The following INPP5A variants were observed in gnomAD, a reference collection of about 807,000 sequenced individuals.
The protein encoded by INPP5A is 43 kDa inositol polyphosphate 5-phophatase.
In INPP5A, 14 loss-of-function variants were observed where a neutral mutation model predicts 65.2. The ratio of observed to expected loss-of-function variants is 0.21; its 90% CI spans 0.14 to 0.34. The LOEUF (loss-of-function observed/expected upper bound fraction) is 0.34, where lower values mean the gene tolerates loss of function less well. INPP5A is among the 10% of genes least tolerant of loss of function. INPP5A has a pLI of 1.00. For missense variants in INPP5A, 431 were observed against 545.6 expected, an observed-to-expected ratio of 0.79 and a Z score of 2.09; for synonymous variants, 207 against 208.3, an observed-to-expected ratio of 0.99 and a Z score of 0.05.
intron 8 of INPP5A, among the ~76,000 whole-genome samples, chr10:132,712,343 A>G (rs1017949025): frequency 6.6e-6 from 1 of 151,250 alleles, no homozygotes; most frequent in Non-Finnish European, 1.5e-5. Context: ...GGGTGTGCGC[A>G]CATCTGCGTG....
intron 1 of INPP5A, among the ~76,000 whole-genome samples, chr10:132,607,184 G>C (rs1012306309): frequency 6.6e-6 from 1 of 152,204 alleles, no homozygotes; most frequent in Admixed American, 6.5e-5. Flanking sequence ...TCAGGGTGGA[G>C]AGCGACTGGG....
intron 1 of INPP5A, among the ~76,000 whole-genome samples, chr10:132,582,167 C>T (rs1375010004): frequency 6.6e-6 from 1 of 152,092 alleles, no homozygotes; most frequent in Admixed American, 6.6e-5. Context: ...TTTCCATGAG[C>T]AGCAGTTTTT....
chr10:132,642,920 G>A (rs551582315), intron 2 of INPP5A, among the ~76,000 whole-genome samples: 1 of 152,306 alleles, frequency 6.6e-6, no homozygotes, highest in East Asian at 1.9e-4. Flanking sequence ...GAAACTGAGA[G>A]TATGTGCTGT....
chr10:132,749,682 C>G, intron 10 of INPP5A, 70 bp downstream of exon 10: 3 of 1,594,722 alleles, frequency 1.9e-6, no homozygotes, highest in South Asian at 1.1e-5. Flanking sequence ...TCCTTCAGAG[C>G]CGCCCTGCCT....
intron 1 of INPP5A, among the ~76,000 whole-genome samples, chr10:132,563,618 G>A (rs1046612519): frequency 4.6e-5 from 7 of 152,136 alleles, no homozygotes; most frequent in African/African-American, 1.7e-4. Context: ...CCTCTCTCAG[G>A]ACTGCTGCTG....
intron 1 of INPP5A, among the ~76,000 whole-genome samples, chr10:132,585,521 G>A (rs958942104): frequency 6.6e-6 from 1 of 152,170 alleles, no homozygotes; most frequent in African/African-American, 2.4e-5. Flanking sequence ...GTGTATATGG[G>A]GTTTGGTACT....
At chr10:132,617,025 C>T (rs540305166) in intron 2 of INPP5A, among the ~76,000 whole-genome samples, 6 of 152,248 alleles carry the variant, frequency 3.9e-5, no homozygotes, top group African/African-American at 4.8e-5. Context: ...TCTGCAGCTT[C>T]GGCATCATGT....
At chr10:132,739,531 A>G (rs1441987614) in intron 9 of INPP5A, among the ~76,000 whole-genome samples, 3 of 152,216 alleles carry the variant, frequency 2.0e-5, no homozygotes, top group Non-Finnish European at 4.4e-5. Context: ...AATAGGTCCT[A>G]GTAGCCACCA....
chr10:132,765,707 C>G (rs1846829748), intron 11 of INPP5A, 66 bp from the exon 12 acceptor site: 1 of 934,264 alleles, frequency 1.1e-6, no homozygotes. Flanking sequence ...CAGCTGCACA[C>G]AGACACACGT....
At chr10:132,779,484 C>G (rs1467228756) in intron 13 of INPP5A, among the ~76,000 whole-genome samples, 1 of 152,272 alleles carries the variant, frequency 6.6e-6, no homozygotes, top group African/African-American at 2.4e-5. Context: ...GGCCTCCCCA[C>G]ATTGTGCTGC....
At chr10:132,776,766 G>A in intron 12 of INPP5A, among the ~76,000 whole-genome samples, 1 of 152,202 alleles carries the variant, frequency 6.6e-6, no homozygotes, top group Non-Finnish European at 1.5e-5. Flanking sequence ...CGGGCCCCCT[G>A]AGAACCTGCA....
At chr10:132,677,948 C>A (rs1226777982) in intron 4 of INPP5A, among the ~76,000 whole-genome samples, 1 of 152,236 alleles carries the variant, frequency 6.6e-6, no homozygotes, top group South Asian at 2.1e-4. Context: ...ATACAATGGA[C>A]AACCAATTTA....
chr10:132,699,383 A>G (rs983890828), intron 6 of INPP5A, among the ~76,000 whole-genome samples: 1 of 150,752 alleles, frequency 6.6e-6, no homozygotes, highest in African/African-American at 2.4e-5. Context: ...TGGGCTGGGC[A>G]GGGCCAGGCG....
At chr10:132,752,679 G>A (rs1434055764) in intron 11 of INPP5A, among the ~76,000 whole-genome samples, 1 of 127,434 alleles carries the variant, frequency 7.8e-6, no homozygotes, top group Non-Finnish European at 1.7e-5. Context: ...GGGGCGTGGA[G>A]GGGGTGCGGC....
rs530353509 is a variant in INPP5A at position 132,738,619 on chromosome 10, T to G, written c.733-10898T>G. ...CTTCTTCCCAGAAAGTCTGTTGAGCTCTAGCTGGCGTGAGAGCAAGTGGGC... is the reference window on the plus strand; with the variant it reads ...CTTCTTCCCAGAAAGTCTGTTGAGCGCTAGCTGGCGTGAGAGCAAGTGGGC... On this transcript the variant is annotated intron_variant, in intron 9 of 15. Transcript: ENST00000368594. Among the ~76,000 whole-genome samples the G allele has an allele frequency of 5.9e-5, 9 of 152,346 alleles. No individual in the cohort carries two copies. The East Asian group carries it at 1.7e-3, about 29-fold the overall frequency.
In INPP5A at chr10:132,769,800, TC is replaced by T. The variant is rs538823373; in HGVS notation, c.977+3964del. On this transcript the variant is annotated intron_variant, in intron 12 of 15. Transcript: ENST00000368594. ...AGCCCTGCAGCCCCCACCCCGTAGCTCCCCCCCCCCAAGTTCCTGATACGTG... is the reference window on the plus strand; with the variant it reads ...AGCCCTGCAGCCCCCACCCCGTAGCTCCCCCCCCCAAGTTCCTGATACGTG... 4.0e-3 allele frequency among the ~76,000 whole-genome samples: 423 copies of T among 104,952 alleles called. 7 individuals carry two copies. The South Asian group carries it at 0.076, about 19-fold the overall frequency. The allele number at this position is 104,952 out of a possible 152,430, so 68.9% of individuals were successfully genotyped here.
intron 12 of INPP5A, among the ~76,000 whole-genome samples, chr10:132,769,167 G>A (rs1846906558): frequency 6.6e-6 from 1 of 152,376 alleles, no homozygotes; most frequent in African/African-American, 2.4e-5. Flanking sequence ...TGATCCCATG[G>A]ATGAATAGAA....
chr10:132,680,288 G>A (rs1444692319), intron 4 of INPP5A, among the ~76,000 whole-genome samples: 1 of 152,204 alleles, frequency 6.6e-6, no homozygotes, highest in Non-Finnish European at 1.5e-5. Flanking sequence ...AGTCAGAAAG[G>A]GGTTTGAATA....
At chr10:132,776,698 A>G (rs1445817687) in intron 12 of INPP5A, among the ~76,000 whole-genome samples, 15 of 152,188 alleles carry the variant, frequency 9.9e-5, no homozygotes, top group Admixed American at 9.8e-4. Context: ...TTACCACTTC[A>G]GTGCAGTCCC....
Sources: gnomAD v4.1 joint callset for allele counts (sites outside exome capture counted in the v4.1 genomes callset) on GRCh38, gnomAD v4.1.1 for gene constraint, MANE v1.5 for transcripts, NCBI Gene and HGNC (gene_info 2026-07-23, HGNC 2026-07-21) for gene names.